LAMA2: variants seen among roughly 807,000 people sequenced by gnomAD.
LAMA2 encodes the protein laminin subunit alpha-2.
LAMA2 carries 269 observed loss-of-function variants against 364.8 expected under a neutral mutation model. That is an observed-to-expected ratio of 0.74 (90% CI 0.67 to 0.82). The LOEUF is 0.82. Among genes scored for constraint, LAMA2 ranks in the 40% least tolerant of loss-of-function variants. The probability of loss-of-function intolerance (pLI) is 0.00; values close to 1 mark genes in which losing one functional copy is unlikely to be tolerated. For missense variants in LAMA2, 3,807 were observed against 3,873.2 expected (o/e 0.98, Z 0.45); for synonymous variants, 1,379 against 1,370.6 (o/e 1.01, Z -0.14).
intron 41 of LAMA2, among the ~76,000 whole-genome samples, chr6:129,428,958 C>T (rs1368757841): frequency 2.6e-5 from 4 of 152,138 alleles, no homozygotes; most frequent in Non-Finnish European, 5.9e-5. Flanking sequence ...CTACCATTTT[C>T]TGTCTCATAT....
chr6:128,990,495 T>G (rs1341344451), intron 1 of LAMA2, among the ~76,000 whole-genome samples: 1 of 152,218 alleles, frequency 6.6e-6, no homozygotes, highest in East Asian at 1.9e-4. Context: ...CTCCCTATTA[T>G]AATGGATGCT....
chr6:129,171,507 C>G (rs1445914872), intron 9 of LAMA2, among the ~76,000 whole-genome samples: 1 of 152,116 alleles, frequency 6.6e-6, no homozygotes, highest in African/African-American at 2.4e-5. Flanking sequence ...TTGGCCCCCA[C>G]TCTCTTCCGG....
At chr6:128,917,713 TC>T (rs1342793402) in intron 1 of LAMA2, among the ~76,000 whole-genome samples, 34 of 121,292 alleles carry the variant, frequency 2.8e-4, no homozygotes, top group African/African-American at 1.0e-3. Context: ...TTTTTTTCTT[TC>T]TTTCTTTCTT....
At chr6:129,086,717 C>A (rs1774408609) in intron 3 of LAMA2, among the ~76,000 whole-genome samples, 1 of 152,208 alleles carries the variant, frequency 6.6e-6, no homozygotes. Flanking sequence ...GTTAACACAA[C>A]ATATTACCAC....
At chr6:129,378,200 C>G (rs886162995) in intron 34 of LAMA2, among the ~76,000 whole-genome samples, 1 of 151,938 alleles carries the variant, frequency 6.6e-6, no homozygotes, top group Non-Finnish European at 1.5e-5. Flanking sequence ...ACTCAAAGGA[C>G]AAGATAATAG....
intron 18 of LAMA2, among the ~76,000 whole-genome samples, chr6:129,282,807 T>C (rs1475325364): frequency 1.3e-5 from 2 of 152,098 alleles, no homozygotes; most frequent in African/African-American, 4.8e-5. Context: ...TCCAAATCCA[T>C]CCCATTTTCT....
At chr6:129,348,676 A>G (rs1776695001) in intron 30 of LAMA2, among the ~76,000 whole-genome samples, 1 of 152,218 alleles carries the variant, frequency 6.6e-6, no homozygotes, top group Non-Finnish European at 1.5e-5. Flanking sequence ...AGAAAATACC[A>G]TAAAATAGTC....
chr6:129,158,667 C>A, intron 8 of LAMA2: 2 of 1,614,124 alleles, frequency 1.2e-6, no homozygotes, highest in Non-Finnish European at 1.7e-6. Flanking sequence ...AACCAGCCAT[C>A]GAATGCTGCC....
Position 128,948,589 on chromosome 6 carries a change from T to C in LAMA2, c.112+65232T>C, listed in dbSNP as rs373135033. Among the ~76,000 whole-genome samples the C allele has an allele frequency of 3.9e-5, 6 of 152,278 alleles. No individual in the cohort carries two copies. The East Asian group carries it at 9.7e-4, about 25-fold the overall frequency. ...AAATGTGATTGATATGATTTGCATG[T>C]TTGCCCCCTTCAAATCGCATGTTGA... On this transcript the variant is annotated intron_variant, in intron 1 of 64. Coordinates refer to ENST00000421865, the MANE Select transcript of LAMA2 (RefSeq NM_000426.4).
chr6:128,950,133 C>T (rs1780722209), intron 1 of LAMA2, among the ~76,000 whole-genome samples: 1 of 152,176 alleles, frequency 6.6e-6, no homozygotes, highest in African/African-American at 2.4e-5. Flanking sequence ...GCAATGGTTA[C>T]TGACTTCGAG....
At chr6:129,493,001 A>G (rs112637380) in intron 58 of LAMA2, among the ~76,000 whole-genome samples, 3,678 of 152,132 alleles carry the variant, frequency 0.024, 63 homozygotes, top group African/African-American at 0.055. Flanking sequence ...CTAAAATACA[A>G]AAAAATAGCC....
chr6:129,369,820 A>G (rs879835832), intron 33 of LAMA2, 72 bp from the exon 34 acceptor site: 6 of 1,296,524 alleles, frequency 4.6e-6, no homozygotes, highest in African/African-American at 4.4e-5. Flanking sequence ...TATATACAAA[A>G]ATGTGTTCTG....
In LAMA2 at chr6:129,256,763, C is replaced by CAAATATATAT. The variant is rs749883373; in HGVS notation, c.2097-3947_2097-3946insAATATATATA. On this transcript the variant is annotated intron_variant, in intron 14 of 64. Coordinates refer to ENST00000421865, the MANE Select transcript of LAMA2 (RefSeq NM_000426.4). ...TATATATAAAAAACAAATTATATAG[C>CAAATATATAT]ATATATATATATATATATATATATA... Among the ~76,000 whole-genome samples the CAAATATATAT allele has an allele frequency of 9.4e-3, 826 of 87,912 alleles. 52 individuals are homozygous for CAAATATATAT. The highest frequency in any genetic ancestry group is 0.029 in the African/African-American group (691 of 24,104). The allele number at this position is 87,912 out of a possible 152,430, so 57.7% of individuals were successfully genotyped here.
At chr6:129,124,212 T>C (rs1776975625) in intron 4 of LAMA2, among the ~76,000 whole-genome samples, 1 of 152,200 alleles carries the variant, frequency 6.6e-6, no homozygotes, top group African/African-American at 2.4e-5. Context: ...GATAGAAAGC[T>C]TGGCACATCT....
At chr6:129,479,321 A>ATCAAC (rs1367879037) in intron 54 of LAMA2, among the ~76,000 whole-genome samples, 2 of 152,204 alleles carry the variant, frequency 1.3e-5, no homozygotes, top group African/African-American at 4.8e-5. Flanking sequence ...ACCTGTGGCA[A>ATCAAC]TCAACTCTGC....
intron 51 of LAMA2, among the ~76,000 whole-genome samples, chr6:129,469,792 A>G (rs995057587): frequency 1.1e-4 from 16 of 151,966 alleles, no homozygotes; most frequent in Non-Finnish European, 2.2e-4. Flanking sequence ...TAAAGTATTA[A>G]TATAGATACA....
chr6:129,046,470 A>G (rs562190962), intron 1 of LAMA2, among the ~76,000 whole-genome samples: 1 of 152,192 alleles, frequency 6.6e-6, no homozygotes, highest in African/African-American at 2.4e-5. Flanking sequence ...ATCGCCAGAT[A>G]TTATGAGACT....
rs184903000 is a variant in LAMA2, at chr6:129,264,067, G to T, written c.2209-3039G>T. On this transcript the variant is annotated intron_variant, in intron 15 of 64. Transcript: ENST00000421865. ...CCTGAGTTACATTTTTTTGAAGAAGGCATTATGGCTACAGTAGGAAGAATG... is the reference window on the plus strand; with the variant it reads ...CCTGAGTTACATTTTTTTGAAGAAGTCATTATGGCTACAGTAGGAAGAATG... Among the ~76,000 whole-genome samples, 7 of 152,182 alleles carry T rather than the reference G, an allele frequency of 4.6e-5. No individual in the cohort carries two copies. In the East Asian group the frequency reaches 5.8e-4, roughly 13 times the overall value.
chr6:129,440,233 C>A (rs1782038884), intron 42 of LAMA2, among the ~76,000 whole-genome samples: 1 of 151,924 alleles, frequency 6.6e-6, no homozygotes, highest in Non-Finnish European at 1.5e-5. Context: ...CATATTTATA[C>A]AACACAGTTA....
Sources: allele counts gnomAD v4.1 joint callset (sites outside exome capture counted in the v4.1 genomes callset), GRCh38; gene constraint gnomAD v4.1.1; transcripts MANE v1.5; gene names NCBI Gene and HGNC (gene_info 2026-07-23, HGNC 2026-07-21).